LAMA2: variants seen among roughly 807,000 people sequenced by gnomAD.
LAMA2 encodes laminin subunit alpha 2, also known as laminin subunit alpha-2.
In LAMA2, 269 loss-of-function variants were observed where a neutral mutation model predicts 364.8. The observed-to-expected ratio is 0.74, with a 90% confidence interval of 0.67 to 0.82. The LOEUF (loss-of-function observed/expected upper bound fraction) is 0.82, where lower values mean the gene tolerates loss of function less well. Among genes scored for constraint, LAMA2 ranks in the 40% least tolerant of loss-of-function variants. LAMA2 has a pLI of 0.00. For missense variants in LAMA2, 3,807 were observed against 3,873.2 expected, an observed-to-expected ratio of 0.98 and a Z score of 0.45; for synonymous variants, 1,379 against 1,370.6, an observed-to-expected ratio of 1.01 and a Z score of -0.14.
In LAMA2 at chr6:129,312,972, G is replaced by A. The variant is rs1774324769; in HGVS notation, c.3286G>A (p.Gly1096Ser). ...SGAKCTECSR[G>S]HWNYPRCNLC... ...TGCAAAATGTACAGAGTGCAGTCGA[G>A]GTCACTGGAACTACCCTCGCTGCAA... The change falls in exon 23 of 65, where the codon GGT becomes AGT. Residue 1096 changes from glycine (G) to serine (S), a missense_variant. This residue lies in a region of LAMA2 where 3,333 missense variants were observed against 3,345.7 expected (regional missense o/e 1.00). Transcript: ENST00000421865. 1 of 1,614,010 alleles carries A rather than the reference G, an allele frequency of 6.2e-7. No homozygotes were observed. Among genetic ancestry groups the A allele is most frequent in the African/African-American group, 1.3e-5 (1 of 74,916 alleles).
chr6:129,005,182 G>A (rs1190771628), intron 1 of LAMA2, among the ~76,000 whole-genome samples: 1 of 151,634 alleles, frequency 6.6e-6, no homozygotes. Flanking sequence ...TTAGTTAATT[G>A]TCAGTTTTTA....
At chr6:129,170,417 T>G (rs28829331) in intron 9 of LAMA2, among the ~76,000 whole-genome samples, 26,536 of 119,342 alleles carry the variant, frequency 0.22, 4,510 homozygotes, top group African/African-American at 0.57. Context: ...CATTTCGTTA[T>G]GTACCCAGTA....
intron 1 of LAMA2, among the ~76,000 whole-genome samples, chr6:128,969,772 G>A (rs779102365): frequency 6.6e-6 from 1 of 152,018 alleles, no homozygotes; most frequent in Non-Finnish European, 1.5e-5. Flanking sequence ...CAATAAAAAT[G>A]CTTCTATTTG....
intron 31 of LAMA2, 81 bp from the exon 32 acceptor site, chr6:129,353,083 T>C (rs1018438815): frequency 2.7e-6 from 3 of 1,113,206 alleles, no homozygotes; most frequent in Admixed American, 4.3e-5. Context: ...TTTTGTTGCA[T>C]CAAAACAAAA....
chr6:128,969,085 T>C (rs1156919577), intron 1 of LAMA2, among the ~76,000 whole-genome samples: 1 of 152,116 alleles, frequency 6.6e-6, no homozygotes, highest in African/African-American at 2.4e-5. Flanking sequence ...TATTTACTTA[T>C]GGGCCCAAAC....
At chr6:129,227,381 C>T (rs1784371273) in intron 12 of LAMA2, among the ~76,000 whole-genome samples, 2 of 152,220 alleles carry the variant, frequency 1.3e-5, no homozygotes, top group Non-Finnish European at 2.9e-5. Context: ...CAAGGAGCTT[C>T]ATTCCTTTGG....
chr6:129,239,184 A>T (rs557619492), intron 12 of LAMA2, among the ~76,000 whole-genome samples: 2 of 152,154 alleles, frequency 1.3e-5, no homozygotes, highest in Non-Finnish European at 2.9e-5. Context: ...TATTGTTTTG[A>T]TTTCCCTGAT....
intron 1 of LAMA2, among the ~76,000 whole-genome samples, chr6:128,890,347 G>A (rs533151632): frequency 1.1e-3 from 160 of 152,028 alleles, no homozygotes; most frequent in African/African-American, 3.6e-3. Context: ...ATTAAATTAC[G>A]GTCCTGCTCT....
chr6:128,962,139 C>CATATATATATATATATAT (rs55906092), intron 1 of LAMA2, among the ~76,000 whole-genome samples: 2 of 38,068 alleles, frequency 5.3e-5, no homozygotes, highest in African/African-American at 8.4e-5. Context: ...TCCTCTGGAC[C>CATATATATATATATATAT]ATATATATAT....
chr6:129,167,426 C>G (rs1043526649), intron 9 of LAMA2, among the ~76,000 whole-genome samples: 1 of 150,682 alleles, frequency 6.6e-6, no homozygotes, highest in Non-Finnish European at 1.5e-5. Context: ...GTTTTTTGTT[C>G]TTGCAATCGT....
At chr6:128,966,768 A>C (rs1781869373) in intron 1 of LAMA2, among the ~76,000 whole-genome samples, 1 of 152,190 alleles carries the variant, frequency 6.6e-6, no homozygotes, top group Admixed American at 6.6e-5. Context: ...TTTCTTCATC[A>C]AATGGTTAAT....
At chr6:129,110,457 T>G (rs1391248506) in intron 4 of LAMA2, among the ~76,000 whole-genome samples, 1 of 151,972 alleles carries the variant, frequency 6.6e-6, no homozygotes, top group Non-Finnish European at 1.5e-5. Context: ...AATTTAAGCC[T>G]TTCAGTTAAA....
At chr6:129,200,346 G>A (rs1782180124) in intron 12 of LAMA2, among the ~76,000 whole-genome samples, 1 of 113,688 alleles carries the variant, frequency 8.8e-6, no homozygotes, top group Non-Finnish European at 2.0e-5. Flanking sequence ...ACACGTATAT[G>A]TGTACACATA....
At chr6:129,050,976 C>G (rs1221885873) in intron 2 of LAMA2, among the ~76,000 whole-genome samples, 1 of 152,062 alleles carries the variant, frequency 6.6e-6, no homozygotes, top group African/African-American at 2.4e-5. Context: ...TGTTAAATTA[C>G]ACATAACCCC....
chr6:129,138,449 A>G (rs1777930402), intron 4 of LAMA2, among the ~76,000 whole-genome samples: 3 of 152,140 alleles, frequency 2.0e-5, no homozygotes, highest in Admixed American at 1.3e-4. Flanking sequence ...GATTGAGTCC[A>G]TAATCCTGTA....
rs1386084680 is a variant in LAMA2 at position 129,206,087 on chromosome 6, A to AG, written c.1782+13236dup. 2.0e-3 allele frequency among the ~76,000 whole-genome samples: 220 copies of AG among 109,500 alleles called. 2 individuals carry two copies. Among genetic ancestry groups the AG allele is most frequent in the South Asian group, 8.6e-3 (22 of 2,556 alleles). The allele number at this position is 109,500 out of a possible 152,430, so 71.8% of individuals were successfully genotyped here. On this transcript the variant is annotated intron_variant, in intron 12 of 64. Coordinates refer to ENST00000421865, the MANE Select transcript of LAMA2 (RefSeq NM_000426.4). ...GAAGGGAAAGGAAAGGAAAGGAGGA[A>AG]GGAAGGGAGGGAGGGAGGGAGGAAG...
chr6:128,983,601 G>T (rs1045360966), intron 1 of LAMA2, among the ~76,000 whole-genome samples: 1 of 152,114 alleles, frequency 6.6e-6, no homozygotes, highest in Non-Finnish European at 1.5e-5. Context: ...AGGAAAGGAT[G>T]GAGAGGACAA....
At chr6:129,295,805 G>GTA (rs1212178125) in intron 20 of LAMA2, among the ~76,000 whole-genome samples, 1 of 3,040 alleles carries the variant, frequency 3.3e-4, no homozygotes, top group Non-Finnish European at 1.1e-3. Flanking sequence ...ATATATGAGT[G>GTA]TGTATATATA....
intron 3 of LAMA2, among the ~76,000 whole-genome samples, chr6:129,088,853 C>G (rs1015070983): frequency 6.6e-6 from 1 of 151,850 alleles, no homozygotes; most frequent in Non-Finnish European, 1.5e-5. Context: ...CAGAGGGGCT[C>G]CTTACATCCC....
Sources: allele counts gnomAD v4.1 joint callset (sites outside exome capture counted in the v4.1 genomes callset), GRCh38; gene constraint gnomAD v4.1.1; regional missense constraint gnomAD v4.1.1; transcripts MANE v1.5; gene names NCBI Gene and HGNC (gene_info 2026-07-23, HGNC 2026-07-21).